Variants in VEPH1 observed in about 807,000 individuals in gnomAD.
The protein encoded by VEPH1 is ventricular zone expressed PH domain containing 1.
A neutral mutation model predicts 85.2 loss-of-function variants in VEPH1; 80 were observed. The observed-to-expected ratio is 0.94, with a 90% confidence interval of 0.78 to 1.13. The LOEUF is 1.13. Ranked by LOEUF, VEPH1 falls within the 50% of genes most tolerant of loss-of-function variation. VEPH1 has a pLI of 0.00. For synonymous variants in VEPH1, 297 were observed against 348.0 expected, an observed-to-expected ratio of 0.85 and a Z score of 1.63; for missense variants, 955 against 980.5, an observed-to-expected ratio of 0.97 and a Z score of 0.35.
At chr3:157,313,579 T>C in intron 11 of VEPH1, 42 bp downstream of exon 11, 1 of 1,595,376 alleles carries the variant, frequency 6.3e-7, no homozygotes, top group Non-Finnish European at 8.6e-7. Context: ...AAGACAATCT[T>C]AAATCTTGGC....
At chr3:157,390,934 C>T (rs1044908851) in intron 6 of VEPH1, among the ~76,000 whole-genome samples, 2 of 152,232 alleles carry the variant, frequency 1.3e-5, no homozygotes, top group African/African-American at 4.8e-5. Flanking sequence ...CACCACATTC[C>T]TCTTGTCCAG....
intron 4 of VEPH1, among the ~76,000 whole-genome samples, chr3:157,457,654 T>C (rs1285251220): frequency 1.3e-5 from 2 of 152,234 alleles, no homozygotes; most frequent in African/African-American, 2.4e-5. Context: ...GTTGTGTTTA[T>C]GTGATGAATC....
In VEPH1 at chr3:157,406,472, G is replaced by A. The variant is rs376829957; in HGVS notation, c.906+7409C>T. Among the ~76,000 whole-genome samples the A allele has an allele frequency of 2.8e-4, 43 of 152,162 alleles. No homozygotes were observed. In the South Asian group the frequency reaches 5.0e-3, roughly 18 times the overall value. ...CTGAAAGTGTTTTTGTAGGCCTGCC[G>A]GATGTCACAGAAATGCAACCTGGGC... On this transcript the variant is annotated intron_variant, in intron 6 of 13. Coordinates refer to ENST00000362010, the MANE Select transcript of VEPH1 (RefSeq NM_001167912.2).
chr3:157,462,421 C>T (rs1317750331), intron 3 of VEPH1, among the ~76,000 whole-genome samples: 4 of 152,200 alleles, frequency 2.6e-5, no homozygotes, highest in Non-Finnish European at 4.4e-5. Context: ...CAACCTTTGT[C>T]TTAGGGTTCT....
At chr3:157,381,109 C>T (rs372256725) in intron 7 of VEPH1, 47 bp downstream of exon 7, 2 of 1,596,554 alleles carry the variant, frequency 1.3e-6, no homozygotes, top group East Asian at 2.2e-5. Context: ...ATTCTACCCC[C>T]ACAGGTGCAC....
chr3:157,319,491 T>C (rs1180710992), intron 9 of VEPH1, among the ~76,000 whole-genome samples: 1 of 152,184 alleles, frequency 6.6e-6, no homozygotes, highest in African/African-American at 2.4e-5. Flanking sequence ...TTGAATTTAA[T>C]TTATGGTAAA....
At chr3:157,363,121 T>C (rs1726227818) in intron 9 of VEPH1, among the ~76,000 whole-genome samples, 1 of 151,742 alleles carries the variant, frequency 6.6e-6, no homozygotes, top group South Asian at 2.1e-4. Flanking sequence ...ATCTTGAGGT[T>C]TGCAAAAATC....
intron 13 of VEPH1, among the ~76,000 whole-genome samples, chr3:157,263,299 G>A (rs1713164825): frequency 1.3e-5 from 2 of 152,236 alleles, no homozygotes; most frequent in East Asian, 3.9e-4. Context: ...GTTATGGAAT[G>A]TCAGACCATT....
chr3:157,436,238 T>C (rs1164493675), intron 4 of VEPH1, among the ~76,000 whole-genome samples: 4 of 151,780 alleles, frequency 2.6e-5, no homozygotes, highest in Non-Finnish European at 2.9e-5. Flanking sequence ...GATCACACCA[T>C]TGCACTCCAG....
At chr3:157,393,581 G>T (rs1236014168) in intron 6 of VEPH1, among the ~76,000 whole-genome samples, 1 of 151,998 alleles carries the variant, frequency 6.6e-6, no homozygotes, top group Non-Finnish European at 1.5e-5. Context: ...TATACTATTT[G>T]GCACATAGCA....
intron 6 of VEPH1, among the ~76,000 whole-genome samples, chr3:157,383,507 A>G (rs1577515816): frequency 6.6e-6 from 1 of 152,260 alleles, no homozygotes; most frequent in Non-Finnish European, 1.5e-5. Context: ...TCTGTGCTTT[A>G]CAATAAATAT....
chr3:157,314,330 CAAAAAAAAAAAAA>C (rs34703314), intron 10 of VEPH1, among the ~76,000 whole-genome samples: 38 of 43,206 alleles, frequency 8.8e-4, no homozygotes, highest in East Asian at 1.3e-3. Context: ...GAGGATCCGT[CAAAAAAAAAAAAA>C]AAAAAAAAAA....
intron 4 of VEPH1, among the ~76,000 whole-genome samples, chr3:157,445,501 G>A (rs1734479043): frequency 6.6e-6 from 1 of 152,162 alleles, no homozygotes; most frequent in Admixed American, 6.5e-5. Flanking sequence ...CGCACCTGCA[G>A]TCCCAGCTAC....
intron 11 of VEPH1, among the ~76,000 whole-genome samples, chr3:157,290,147 T>C (rs964039110): frequency 6.6e-6 from 1 of 151,754 alleles, no homozygotes; most frequent in Non-Finnish European, 1.5e-5. Context: ...AATTGCCACA[T>C]TATGAACTGC....
At chr3:157,461,675 C>T (rs1229530423) in intron 3 of VEPH1, among the ~76,000 whole-genome samples, 2 of 152,116 alleles carry the variant, frequency 1.3e-5, no homozygotes, top group Non-Finnish European at 1.5e-5. Flanking sequence ...TTGATACATA[C>T]AATTCCTGAG....
chr3:157,454,901 G>T (rs547080193), intron 4 of VEPH1, among the ~76,000 whole-genome samples: 3 of 152,128 alleles, frequency 2.0e-5, no homozygotes, highest in African/African-American at 4.8e-5. Flanking sequence ...CTGCATCCAC[G>T]TTGCTGCAAA....
intron 5 of VEPH1, among the ~76,000 whole-genome samples, chr3:157,416,448 G>A (rs765521599): frequency 2.6e-5 from 4 of 152,192 alleles, no homozygotes; most frequent in Non-Finnish European, 5.9e-5. Flanking sequence ...GCAATTGTAT[G>A]TCCTTCAGGA....
At chr3:157,364,236 G>T in intron 8 of VEPH1, 67 bp downstream of exon 8, 1 of 1,273,940 alleles carries the variant, frequency 7.8e-7, no homozygotes, top group Non-Finnish European at 1.1e-6. Flanking sequence ...CCCCATAACA[G>T]AGTGATAACA....
chr3:157,374,801 G>T (rs1263650187), intron 7 of VEPH1, among the ~76,000 whole-genome samples: 2 of 152,194 alleles, frequency 1.3e-5, no homozygotes, highest in Admixed American at 1.3e-4. Context: ...CATTCTAGAA[G>T]GTGATGGTAA....
Sources: gnomAD v4.1 joint callset for allele counts (sites outside exome capture counted in the v4.1 genomes callset) on GRCh38, gnomAD v4.1.1 for gene constraint, MANE v1.5 for transcripts, NCBI Gene and HGNC (gene_info 2026-07-23, HGNC 2026-07-21) for gene names.